PSD3: variants seen among roughly 807,000 people sequenced by gnomAD.
The protein encoded by PSD3 is pleckstrin and Sec7 domain containing 3, also known as PH and SEC7 domain-containing protein 3.
A neutral mutation model predicts 105.5 loss-of-function variants in PSD3; 49 were observed. The ratio of observed to expected loss-of-function variants is 0.46; its 90% CI spans 0.37 to 0.59. PSD3 has a LOEUF of 0.59. PSD3 is among the 20% of genes least tolerant of loss of function. The probability of loss-of-function intolerance (pLI) is 0.00; values close to 1 mark genes in which losing one functional copy is unlikely to be tolerated. For synonymous variants in PSD3, 557 were observed against 457.8 expected, an observed-to-expected ratio of 1.22 and a Z score of -2.77; for missense variants, 1,561 against 1,263.8, an observed-to-expected ratio of 1.24 and a Z score of -3.57.
chr8:18,755,479 T>TAACA (rs1425171058), intron 9 of PSD3, among the ~76,000 whole-genome samples: 3 of 151,340 alleles, frequency 2.0e-5, no homozygotes, highest in African/African-American at 4.9e-5. Context: ...TAACATAACA[T>TAACA]AACATAAAAA....
chr8:18,824,638 G>A (rs1362707634), intron 4 of PSD3, among the ~76,000 whole-genome samples: 2 of 152,108 alleles, frequency 1.3e-5, no homozygotes, highest in East Asian at 3.8e-4. Flanking sequence ...AAATTCAGGG[G>A]CCATCTATCA....
chr8:18,984,999 T>C (rs1179755302), intron 1 of PSD3, among the ~76,000 whole-genome samples: 2 of 152,152 alleles, frequency 1.3e-5, no homozygotes, highest in Non-Finnish European at 2.9e-5. Context: ...GGTAGCGTCA[T>C]CTTGGATCAC....
chr8:19,034,746 C>T (rs1189408359), intron 1 of PSD3, among the ~76,000 whole-genome samples: 12 of 152,150 alleles, frequency 7.9e-5, no homozygotes, highest in Admixed American at 5.9e-4. Context: ...CTTCACATCA[C>T]GCTGAATCAC....
intron 12 of PSD3, among the ~76,000 whole-genome samples, chr8:18,576,676 A>G (rs750138076): frequency 9.2e-5 from 14 of 152,162 alleles, no homozygotes; most frequent in Non-Finnish European, 1.8e-4. Flanking sequence ...TAATTACGCT[A>G]TAACAGAACC....
At chr8:18,900,559 T>C (rs1187774581) in intron 2 of PSD3, among the ~76,000 whole-genome samples, 2 of 152,032 alleles carry the variant, frequency 1.3e-5, no homozygotes, top group Non-Finnish European at 2.9e-5. Context: ...TAGTGGTACT[T>C]TGTATGGGTT....
At chr8:19,050,039 C>A (rs557239315) in intron 1 of PSD3, among the ~76,000 whole-genome samples, 1 of 152,168 alleles carries the variant, frequency 6.6e-6, no homozygotes, top group Non-Finnish European at 1.5e-5. Context: ...CACTTTTGTT[C>A]AAACATGCCA....
rs890395092 is a variant in PSD3 at position 18,527,319 on chromosome 8, GATTT to G, written c.*8420_*8423del. 3.9e-5 allele frequency: 6 copies of G among 152,478 alleles called. No homozygotes were observed. The highest frequency in any genetic ancestry group is 9.7e-5 in the African/African-American group (4 of 41,374). The allele number at this position is 152,478 out of a possible 1,614,324, so 9.4% of individuals were successfully genotyped here. On this transcript the variant is annotated 3_prime_UTR_variant, in exon 16 of 16. Coordinates refer to ENST00000327040, the MANE Select transcript of PSD3 (RefSeq NM_015310.4). The stretch of plus-strand genomic sequence containing the variant: ...TCCCTCAAATGATTGAAATTTGTTG[GATTT>G]ATTTCTTTCTAAAGTTTGTACATTT...
At chr8:19,007,832 T>TTTTTTA (rs962826400) in intron 1 of PSD3, among the ~76,000 whole-genome samples, 23 of 152,210 alleles carry the variant, frequency 1.5e-4, no homozygotes, top group Middle Eastern at 3.4e-3. Context: ...TCAAGGGAGA[T>TTTTTTA]TTTTTATTTT....
At chr8:18,604,199 G>C (rs998542794) in intron 11 of PSD3, among the ~76,000 whole-genome samples, 2 of 152,218 alleles carry the variant, frequency 1.3e-5, no homozygotes, top group Non-Finnish European at 2.9e-5. Context: ...AATGCTGGCA[G>C]TGATATGGAC....
chr8:18,827,423 A>G (rs893349976), intron 4 of PSD3, among the ~76,000 whole-genome samples: 1 of 152,194 alleles, frequency 6.6e-6, no homozygotes, highest in Non-Finnish European at 1.5e-5. Flanking sequence ...GGGTGCGAAG[A>G]TGGGGCAGTC....
Position 18,872,359 on chromosome 8 carries a change from C to T in PSD3, c.505G>A (p.Val169Met). The T allele has an allele frequency of 1.9e-6, 3 of 1,614,182 alleles. No homozygotes were observed. The highest frequency in any genetic ancestry group is 2.5e-6 in the Non-Finnish European group (3 of 1,180,034). Residue 169 changes from valine (V) to methionine (M), a missense_variant, in exon 3 of 16, where the codon GTG becomes ATG. Val to Met is a conservative substitution (Grantham distance 21). Coordinates refer to ENST00000327040, the MANE Select transcript of PSD3 (RefSeq NM_015310.4). ...DAVSSFSVQQ[V>M]EKELDTASRK... ...CTGGCAGTGTCCAGCTCTTTTTCCA[C>T]CTGCTGAACTGAAAAACTAGAAACA...
intron 9 of PSD3, chr8:18,762,846 C>A: frequency 9.6e-7 from 1 of 1,038,240 alleles, no homozygotes; most frequent in South Asian, 1.6e-5. Context: ...TTTTCTTAAC[C>A]CTTTCTCTTC....
At chr8:18,544,611 T>A (rs915999291) in intron 15 of PSD3, among the ~76,000 whole-genome samples, 2 of 152,180 alleles carry the variant, frequency 1.3e-5, no homozygotes, top group African/African-American at 4.8e-5. Context: ...TTCTGCCCTA[T>A]TGCTCTCTAA....
chr8:18,792,734 T>G (rs571593824), intron 8 of PSD3, among the ~76,000 whole-genome samples: 1 of 152,306 alleles, frequency 6.6e-6, no homozygotes, highest in African/African-American at 2.4e-5. Context: ...GGTGGGACTG[T>G]AAACTAGTTC....
intron 1 of PSD3, among the ~76,000 whole-genome samples, chr8:19,058,618 C>G (rs188121573): frequency 1.3e-5 from 2 of 152,014 alleles, no homozygotes; most frequent in African/African-American, 4.8e-5. Flanking sequence ...ACCCTACCAG[C>G]TAGGCCCAAC....
chr8:18,610,431 T>C (rs1284554739), intron 11 of PSD3, among the ~76,000 whole-genome samples: 1 of 152,208 alleles, frequency 6.6e-6, no homozygotes, highest in Admixed American at 6.5e-5. Flanking sequence ...GTTGTTTCTG[T>C]ACCTCACTGC....
At chr8:18,866,826 T>A (rs1816971566) in intron 4 of PSD3, among the ~76,000 whole-genome samples, 1 of 151,860 alleles carries the variant, frequency 6.6e-6, no homozygotes. Flanking sequence ...AATACAGCTT[T>A]AAACAGCTTT....
chr8:18,906,999 T>C (rs549832308), intron 2 of PSD3, among the ~76,000 whole-genome samples: 7 of 152,252 alleles, frequency 4.6e-5, no homozygotes, highest in South Asian at 4.1e-4. Flanking sequence ...TAAAAGCTTA[T>C]AGAATAAGAA....
chr8:18,705,122 A>G (rs2129418760), intron 9 of PSD3, among the ~76,000 whole-genome samples: 1 of 152,344 alleles, frequency 6.6e-6, no homozygotes, highest in South Asian at 2.1e-4. Context: ...TAAAAAGCAC[A>G]AAAACATCTG....
Sources: gnomAD v4.1 joint callset for allele counts (sites outside exome capture counted in the v4.1 genomes callset) on GRCh38, gnomAD v4.1.1 for gene constraint, MANE v1.5 for transcripts, NCBI Gene and HGNC (gene_info 2026-07-23, HGNC 2026-07-21) for gene names.